BRCC3: variants seen among roughly 807,000 people sequenced by gnomAD.
The protein encoded by BRCC3 is BRCA1/BRCA2-containing complex subunit 3.
In BRCC3, 15 loss-of-function variants were observed where a neutral mutation model predicts 28.0. The observed-to-expected ratio is 0.54, with a 90% confidence interval of 0.36 to 0.82. The LOEUF (loss-of-function observed/expected upper bound fraction) is 0.82, where lower values mean the gene tolerates loss of function less well. Ranked by LOEUF, BRCC3 falls within the 40% of genes least tolerant of loss-of-function variation. The pLI is 0.01. For missense variants in BRCC3, 109 were observed against 225.9 expected, an observed-to-expected ratio of 0.48 and a Z score of 3.32; for synonymous variants, 66 against 80.3, an observed-to-expected ratio of 0.82 and a Z score of 0.95.
At chrX:155,086,827 C>T (rs1360007522) in intron 5 of BRCC3, among the ~76,000 whole-genome samples, 1 of 112,053 alleles carries the variant, frequency 8.9e-6, no homozygotes, top group Non-Finnish European at 1.9e-5. Flanking sequence ...AAGCAGCAGC[C>T]GTTCTTATCC....
intron 7 of BRCC3, among the ~76,000 whole-genome samples, chrX:155,113,857 A>G (rs1412345729): frequency 8.9e-6 from 1 of 112,270 alleles, no homozygotes; most frequent in African/African-American, 3.2e-5. Flanking sequence ...GTCAACAAGC[A>G]TATGAAAGAG....
intron 7 of BRCC3, among the ~76,000 whole-genome samples, chrX:155,095,924 C>A (rs2074206574): frequency 8.9e-6 from 1 of 111,808 alleles, no homozygotes; most frequent in Admixed American, 9.5e-5. Context: ...TAGGCTATAC[C>A]ATATAGCCTG....
chrX:155,087,289 G>C (rs2074138823), intron 5 of BRCC3, among the ~76,000 whole-genome samples: 1 of 111,955 alleles, frequency 8.9e-6, no homozygotes, highest in Non-Finnish European at 1.9e-5. Flanking sequence ...GGGAAGATGG[G>C]GGTACGAGGG....
intron 7 of BRCC3, among the ~76,000 whole-genome samples, chrX:155,105,272 C>G (rs1340929604): frequency 9.0e-6 from 1 of 111,487 alleles, no homozygotes; most frequent in African/African-American, 3.3e-5. Flanking sequence ...CACTTGAGGT[C>G]AGGAGTTCGA....
At chrX:155,112,586 C>T (rs1294316988) in intron 7 of BRCC3, among the ~76,000 whole-genome samples, 1 of 112,558 alleles carries the variant, frequency 8.9e-6, no homozygotes, top group Non-Finnish European at 1.9e-5. Context: ...GTAAAGAATT[C>T]TTACAACTCA....
chrX:155,081,204 G>A (rs1557294154), intron 5 of BRCC3, among the ~76,000 whole-genome samples: 1 of 109,937 alleles, frequency 9.1e-6, no homozygotes, highest in African/African-American at 3.3e-5. Context: ...GGTGGCGGGT[G>A]CCTGTAATCC....
At position 155,089,365 on chromosome X, in the gene BRCC3, ATGTG is replaced by A. The variant is rs371817972; in HGVS notation, c.492+36_492+39del. On this transcript the variant is annotated intron_variant, in intron 6 of 10. Transcript: ENST00000330045. ...AAGAACACAAAGGTATTGTGTGTGC[ATGTG>A]TGTGTGTGTGTGTGTGTGTGTAGGG... 9.3e-4 allele frequency: 851 copies of A among 916,893 alleles called. 1 individual carries two copies. The highest frequency in any genetic ancestry group is 1.2e-3 in the African/African-American group (61 of 49,416). 75.6% of individuals were successfully genotyped at this position (916,893 alleles called of 1,213,427 possible). A position where few individuals can be genotyped will look rare whatever the true frequency, so the allele number is the denominator to read the frequency against.
intron 6 of BRCC3, 132 bp from the exon 7 acceptor site, chrX:155,090,652 G>C (rs2074168149): frequency 2.0e-6 from 1 of 496,219 alleles, no homozygotes; most frequent in African/African-American, 2.4e-5. Context: ...CCTTTTTATA[G>C]AAATTAATTT....
intron 9 of BRCC3, 135 bp from the exon 10 acceptor site, chrX:155,119,864 T>A: frequency 2.0e-6 from 1 of 506,955 alleles, no homozygotes; most frequent in Non-Finnish European, 3.2e-6. Context: ...TCCTACTTAT[T>A]ACACTTTTTC....
At chrX:155,076,875 G>C (rs2074048717) in intron 3 of BRCC3, among the ~76,000 whole-genome samples, 1 of 111,776 alleles carries the variant, frequency 8.9e-6, no homozygotes, top group East Asian at 2.8e-4. Flanking sequence ...ATATTCCTTT[G>C]TGCAATACAG....
At chrX:155,076,965 T>A (rs1367487135) in intron 3 of BRCC3, among the ~76,000 whole-genome samples, 2 of 112,316 alleles carry the variant, frequency 1.8e-5, no homozygotes, top group African/African-American at 3.2e-5. Flanking sequence ...TATTAGCATA[T>A]ATATTTTATA....
chrX:155,098,643 A>G (rs2074226475), intron 7 of BRCC3, among the ~76,000 whole-genome samples: 1 of 112,436 alleles, frequency 8.9e-6, no homozygotes, highest in Non-Finnish European at 1.9e-5. Context: ...GACTGTTGTA[A>G]TAGAGACCCT....
At chrX:155,105,246 G>C (rs1266370979) in intron 7 of BRCC3, among the ~76,000 whole-genome samples, 1 of 111,823 alleles carries the variant, frequency 8.9e-6, no homozygotes, top group Non-Finnish European at 1.9e-5. Flanking sequence ...ACTTTGGGAG[G>C]CCGAGGCGCG....
Position 155,122,655 on chromosome X carries a change from G to C in BRCC3, c.*1451G>C, listed in dbSNP as rs982170309. 3.6e-5 allele frequency: 4 copies of C among 111,249 alleles called. No individual in the cohort carries two copies. Among genetic ancestry groups the C allele is most frequent in the Non-Finnish European group, 5.7e-5 (3 of 53,032 alleles). The allele number at this position is 111,249 out of a possible 1,213,427, so 9.2% of individuals were successfully genotyped here. ...CAAACCATCCATAACTTGGAATACT[G>C]CTCTGGAATGAAAAGGAACTAACTG... is the stretch of plus-strand genomic sequence containing the variant. On this transcript the variant is annotated 3_prime_UTR_variant, in exon 11 of 11. Coordinates refer to ENST00000330045, the MANE Select transcript of BRCC3 (RefSeq NM_001018055.3).
chrX:155,111,752 A>G (rs782246169), intron 7 of BRCC3, among the ~76,000 whole-genome samples: 8 of 110,009 alleles, frequency 7.3e-5, no homozygotes, highest in Non-Finnish European at 1.5e-4. Flanking sequence ...AAAAACAGAT[A>G]AATTGGATTT....
At chrX:155,119,916 G>A (rs1376812913) in intron 9 of BRCC3, 83 bp from the exon 10 acceptor site, 3 of 828,679 alleles carry the variant, frequency 3.6e-6, no homozygotes, top group African/African-American at 4.1e-5. Flanking sequence ...TCATGGTTGG[G>A]GGTCTGTTGG....
intron 1 of BRCC3, 115 bp from the exon 2 acceptor site, chrX:155,072,212 C>A: frequency 1.7e-6 from 1 of 586,694 alleles, no homozygotes; most frequent in Admixed American, 2.9e-5. Flanking sequence ...AGTAATTCTC[C>A]AGTCTTTCAT....
chrX:155,115,137 T>G (rs1264838955), intron 7 of BRCC3, among the ~76,000 whole-genome samples: 1 of 111,763 alleles, frequency 8.9e-6, no homozygotes, highest in African/African-American at 3.3e-5. Context: ...CCAGACATTT[T>G]TATGGAAAAA....
intron 9 of BRCC3, among the ~76,000 whole-genome samples, chrX:155,118,890 C>G (rs1194408512): frequency 9.0e-6 from 1 of 111,568 alleles, no homozygotes; most frequent in Non-Finnish European, 1.9e-5. Flanking sequence ...TTTGTCAAAA[C>G]TCATAGAACT....
Sources: allele counts gnomAD v4.1 joint callset (sites outside exome capture counted in the v4.1 genomes callset), GRCh38; gene constraint gnomAD v4.1.1; transcripts MANE v1.5; gene names NCBI Gene and HGNC (gene_info 2026-07-23, HGNC 2026-07-21).